Variants in SPEN observed in about 807,000 individuals in gnomAD.
SPEN encodes spen family transcriptional repressor.
Under a neutral mutation model 269.9 loss-of-function variants are expected in SPEN, and 18 were observed. The observed-to-expected ratio is 0.07, with a 90% CI of 0.05 to 0.10. The LOEUF is 0.10. Among genes scored for constraint, SPEN ranks in the 10% least tolerant of loss-of-function variants. The probability of loss-of-function intolerance (pLI) is 1.00; values close to 1 mark genes in which losing one functional copy is unlikely to be tolerated. For synonymous variants in SPEN, 1,726 were observed against 1,765.7 expected (o/e 0.98, Z 0.56); for missense variants, 3,822 against 4,631.2 (o/e 0.83, Z 5.07).
rs753578272 is a variant in SPEN, at chr1:15,933,775, C to G, written c.7535C>G (p.Ser2512Cys). 1.9e-6 allele frequency: 3 copies of G among 1,613,882 alleles called. No individual in the cohort carries two copies. The highest frequency in any genetic ancestry group is 2.5e-6 in the Non-Finnish European group (3 of 1,180,032). Residue 2512 changes from serine (S) to cysteine (C), a missense_variant, in exon 11 of 15, where the codon TCT becomes TGT. Ser to Cys is a moderately radical substitution (Grantham distance 112). Coordinates refer to ENST00000375759, the MANE Select transcript of SPEN (RefSeq NM_015001.3). This position sits in a 1 kb window ranked among gnomAD's most constrained non-coding sequence, Gnocchi z 5.7. ...ITRQEEPRAQ[S>C]TPSPALPPDT... is the part of the protein sequence containing the mutation. ...AGGCAGGAGGAGCCACGGGCTCAGT[C>G]TACTCCATCTCCAGCTCTTCCCCCA...
chr1:15,926,803 C>T (rs1286447192), intron 10 of SPEN, among the ~76,000 whole-genome samples: 1 of 151,946 alleles, frequency 6.6e-6, no homozygotes, highest in East Asian at 1.9e-4. Flanking sequence ...TGCCATTCTC[C>T]TTCCTCAGCC....
intron 1 of SPEN, among the ~76,000 whole-genome samples, chr1:15,851,856 A>C (rs1206115472): frequency 6.6e-6 from 1 of 152,088 alleles, no homozygotes; most frequent in Non-Finnish European, 1.5e-5. Flanking sequence ...GGTGGTGTGC[A>C]TCTGTAGATC....
chr1:15,878,173 C>T (rs2070651241), intron 3 of SPEN, among the ~76,000 whole-genome samples: 1 of 152,106 alleles, frequency 6.6e-6, no homozygotes, highest in South Asian at 2.1e-4. Flanking sequence ...ATTTGTTAAT[C>T]CCACATGTCC....
At chr1:15,859,905 C>CTTTTTTTTTTTTTTTTTTTTTTT (rs34195453) in intron 1 of SPEN, among the ~76,000 whole-genome samples, 1 of 79,620 alleles carries the variant, frequency 1.3e-5, no homozygotes. Context: ...CAGTTAACAT[C>CTTTTTTTTTTTTTTTTTTTTTTT]TTTTTTTTTT....
intron 3 of SPEN, among the ~76,000 whole-genome samples, chr1:15,887,289 T>TC (rs2070746108): frequency 1.5e-5 from 2 of 136,546 alleles, no homozygotes; most frequent in East Asian, 4.3e-4. Context: ...TTTTTTTTTT[T>TC]TTTTTTTTTG....
Position 15,939,620 on chromosome 1 carries a change from T to G in SPEN, c.*193T>G, listed in dbSNP as rs1016607656. The G allele has an allele frequency of 1.8e-6, 1 of 558,170 alleles. No individual in the cohort carries two copies. The highest frequency in any genetic ancestry group is 2.0e-5 in the African/African-American group (1 of 50,760). The allele number at this position is 558,170 out of a possible 1,614,324, so 34.6% of individuals were successfully genotyped here. On this transcript the variant is annotated 3_prime_UTR_variant, in exon 15 of 15. Transcript: ENST00000375759. The surrounding 1 kb of genome is among the most constrained non-coding windows in gnomAD (Gnocchi z 4.1). Reference sequence around the variant, plus strand: ...AGGAGTGGTGCTGCTACCTTGTATGTTTACATAATGCTTTAGCCCAAGGAC... The same window carrying G: ...AGGAGTGGTGCTGCTACCTTGTATGGTTACATAATGCTTTAGCCCAAGGAC...
chr1:15,924,113 T>G (rs2071144527), intron 10 of SPEN, among the ~76,000 whole-genome samples: 1 of 152,158 alleles, frequency 6.6e-6, no homozygotes, highest in Non-Finnish European at 1.5e-5. Context: ...AAAGTCAGGC[T>G]CGATAGACTG....
At chr1:15,927,413 C>CT (rs2071179165) in intron 10 of SPEN, among the ~76,000 whole-genome samples, 1 of 152,154 alleles carries the variant, frequency 6.6e-6, no homozygotes, top group South Asian at 2.1e-4. Context: ...AGTGAGGAGA[C>CT]TGAGTTCAGA....
At chr1:15,851,679 C>G (rs1243147460) in intron 1 of SPEN, among the ~76,000 whole-genome samples, 1 of 152,054 alleles carries the variant, frequency 6.6e-6, no homozygotes, top group African/African-American at 2.4e-5. Flanking sequence ...GAGGTAGCCC[C>G]TCGTGTAAAA....
chr1:15,939,263 A>G lies in SPEN; in HGVS notation c.10864-33A>G, dbSNP rs1479418970. Reference sequence around the variant, plus strand: ...AGTGGAGTTGTGGGGGTGAAGACAGACGGTCCCACTTTGCTCTCTATCCTG... The same window carrying G: ...AGTGGAGTTGTGGGGGTGAAGACAGGCGGTCCCACTTTGCTCTCTATCCTG... On this transcript the variant is annotated intron_variant, in intron 14 of 14. Transcript: ENST00000375759. The surrounding 1 kb of genome is among the most constrained non-coding windows in gnomAD (Gnocchi z 4.1). The G allele has an allele frequency of 4.6e-6, 7 of 1,523,688 alleles. No individual in the cohort carries two copies. The East Asian group carries it at 9.8e-5, about 21-fold the overall frequency. 94.4% of individuals were successfully genotyped at this position (1,523,688 alleles called of 1,614,324 possible).
rs1233882307 is a variant in SPEN at position 15,939,647 on chromosome 1, C to T, written c.*220C>T. On this transcript the variant is annotated 3_prime_UTR_variant, in exon 15 of 15. Transcript: ENST00000375759. The surrounding 1 kb of genome is among the most constrained non-coding windows in gnomAD (Gnocchi z 4.1). ...TACATAATGCTTTAGCCCAAGGACA[C>T]ATCACCAACCCATGGACTCGCAGAC... 2.3e-6 allele frequency: 1 copy of T among 429,156 alleles called. No individual in the cohort carries two copies. 26.6% of individuals were successfully genotyped at this position (429,156 alleles called of 1,614,324 possible).
In SPEN at chr1:15,939,226, C is replaced by A; in HGVS notation, c.10864-70C>A. 6.7e-7 allele frequency: 1 copy of A among 1,488,144 alleles called. No homozygotes were observed. Among genetic ancestry groups the A allele is most frequent in the Non-Finnish European group, 9.0e-7 (1 of 1,115,832 alleles). The allele number at this position is 1,488,144 out of a possible 1,614,324, so 92.2% of individuals were successfully genotyped here. A position where few individuals can be genotyped will look rare whatever the true frequency, so the allele number is the denominator to read the frequency against. The stretch of plus-strand genomic sequence containing the variant: ...CTCTTAGCATTGGGCCTCTTCAGGG[C>A]TCCCCAATGGAAGTGGAGTTGTGGG... On this transcript the variant is annotated intron_variant, in intron 14 of 14. Transcript: ENST00000375759. The surrounding 1 kb of genome is among the most constrained non-coding windows in gnomAD (Gnocchi z 4.1).
chr1:15,885,704 T>A (rs2070730490), intron 3 of SPEN, among the ~76,000 whole-genome samples: 1 of 152,338 alleles, frequency 6.6e-6, no homozygotes, highest in South Asian at 2.1e-4. Context: ...TACAAAAGAA[T>A]AAGCATTTGC....
At chr1:15,918,459 T>TC (rs1175177209) in intron 6 of SPEN, among the ~76,000 whole-genome samples, 1 of 152,188 alleles carries the variant, frequency 6.6e-6, no homozygotes, top group East Asian at 1.9e-4. Context: ...CCTCAAGTGA[T>TC]CCGCCCGCCT....
chr1:15,890,008 C>T (rs571961963), intron 3 of SPEN, among the ~76,000 whole-genome samples: 3 of 152,288 alleles, frequency 2.0e-5, no homozygotes, highest in East Asian at 3.9e-4. Context: ...AGCCACCGCA[C>T]CCGGCCTATA....
Position 15,847,872 on chromosome 1 carries a change from G to T in SPEN, c.-196G>T. Reference sequence around the variant, plus strand: ...TGTGGTGGCGGCAGAGCTGAGCTGCGAGGCCCGAGAGTCAGAACCTGGGGG... The same window carrying T: ...TGTGGTGGCGGCAGAGCTGAGCTGCTAGGCCCGAGAGTCAGAACCTGGGGG... On this transcript the variant is annotated 5_prime_UTR_variant, in exon 1 of 15. An upstream open reading frame in the 5' UTR gains an earlier in-frame stop. Transcript: ENST00000375759. The T allele has an allele frequency of 3.6e-6, 1 of 278,514 alleles. No individual in the cohort carries two copies. The highest frequency in any genetic ancestry group is 6.8e-6 in the Non-Finnish European group (1 of 147,746). The allele number at this position is 278,514 out of a possible 1,614,324, so 17.3% of individuals were successfully genotyped here.
In SPEN at chr1:15,930,761, A is replaced by G. The variant is rs10489455; in HGVS notation, c.4521A>G (p.Lys1507=). Reference sequence around the variant, plus strand: ...AAATTAGGACTGATTCAGAAGGGAAAATGGATGATAAGAAAGAGGACCATA... The same window carrying G: ...AAATTAGGACTGATTCAGAAGGGAAGATGGATGATAAGAAAGAGGACCATA... ...KKKIRTDSEG[K]MDDKKEDHKE... The change falls in exon 11 of 15, where the codon AAA becomes AAG. Residue 1507 remains lysine, a synonymous_variant. Transcript: ENST00000375759. This position sits in a 1 kb window ranked among gnomAD's most constrained non-coding sequence, Gnocchi z 5.3. 6.4e-3 allele frequency: 10,303 copies of G among 1,614,162 alleles called. 578 individuals are homozygous for G. In the African/African-American group the frequency reaches 0.12, roughly 19 times the overall value.
intron 1 of SPEN, among the ~76,000 whole-genome samples, chr1:15,854,644 C>G (rs2070368151): frequency 6.6e-6 from 1 of 151,892 alleles, no homozygotes; most frequent in African/African-American, 2.4e-5. Flanking sequence ...ACCACCACAC[C>G]CAGCTAATTT....
chr1:15,875,963 A>G (rs1016953585), intron 2 of SPEN, among the ~76,000 whole-genome samples: 1 of 152,238 alleles, frequency 6.6e-6, no homozygotes, highest in Non-Finnish European at 1.5e-5. Context: ...GAGCTGCAGA[A>G]CACTAGTCAT....
Sources: gnomAD v4.1 joint callset for allele counts (sites outside exome capture counted in the v4.1 genomes callset) on GRCh38, gnomAD v4.1.1 for gene constraint, Gnocchi (gnomAD v3.1) non-coding constraint, MANE v1.5 for transcripts, NCBI Gene and HGNC (gene_info 2026-07-23, HGNC 2026-07-21) for gene names.